Variants in OLA1 observed in about 807,000 individuals in gnomAD.
OLA1 encodes Obg like ATPase 1, also known as obg-like ATPase 1.
In OLA1, 14 loss-of-function variants were observed where a neutral mutation model predicts 48.4. The observed-to-expected ratio is 0.29, with a 90% CI of 0.19 to 0.45. The LOEUF is 0.45. OLA1 is among the 20% of genes least tolerant of loss of function. The pLI, the probability that OLA1 is intolerant of heterozygous loss-of-function variation, is 1.00. For synonymous variants in OLA1, 127 were observed against 150.4 expected (o/e 0.84, Z 1.14); for missense variants, 325 against 467.1 (o/e 0.70, Z 2.80).
intron 4 of OLA1, among the ~76,000 whole-genome samples, chr2:174,162,071 G>A (rs533312726): frequency 2.0e-5 from 3 of 152,246 alleles, no homozygotes; most frequent in Non-Finnish European, 2.9e-5. Context: ...GCAAAAGGGG[G>A]ACAGACGAAG....
chr2:174,083,418 T>C (rs2105340660), intron 7 of OLA1, among the ~76,000 whole-genome samples: 1 of 152,280 alleles, frequency 6.6e-6, no homozygotes, highest in South Asian at 2.1e-4. Flanking sequence ...ATGTTTGTTA[T>C]ACAAAGGTAA....
chr2:174,238,617 G>A (rs1173365833), intron 2 of OLA1, among the ~76,000 whole-genome samples: 1 of 152,008 alleles, frequency 6.6e-6, no homozygotes, highest in Non-Finnish European at 1.5e-5. Context: ...TACACCACCT[G>A]TGCGCACATA....
chr2:174,127,877 A>T (rs942570423), intron 5 of OLA1, among the ~76,000 whole-genome samples: 4 of 152,106 alleles, frequency 2.6e-5, no homozygotes, highest in African/African-American at 9.7e-5. Flanking sequence ...TCCACCTTTT[A>T]TAATGTTTAT....
intron 7 of OLA1, among the ~76,000 whole-genome samples, chr2:174,116,588 G>C (rs1685789244): frequency 6.6e-6 from 1 of 152,112 alleles, no homozygotes; most frequent in Admixed American, 6.5e-5. Context: ...AAAAGATCAG[G>C]TCTTATCTGT....
intron 7 of OLA1, among the ~76,000 whole-genome samples, chr2:174,097,674 G>C (rs1685287868): frequency 6.6e-6 from 1 of 151,146 alleles, no homozygotes; most frequent in Non-Finnish European, 1.5e-5. Flanking sequence ...GCACAGAGCT[G>C]AGATCACGCC....
rs1244370788 is a variant in OLA1, at chr2:174,227,101, AAAAAGAAAGAAAG to A, written c.245+2194_245+2206del. 3.0e-4 allele frequency among the ~76,000 whole-genome samples: 45 copies of A among 151,980 alleles called. 1 individual carries two copies. Among genetic ancestry groups the A allele is most frequent in the Admixed American group, 2.4e-3 (37 of 15,258 alleles). ...ACAGTAAGATTCTGTCTTTAAAAAA[AAAAAGAAAGAAAG>A]AAAAGAAAGGCCAGGCACAGTAGTT... On this transcript the variant is annotated intron_variant, in intron 3 of 10. Coordinates refer to ENST00000284719, the MANE Select transcript of OLA1 (RefSeq NM_013341.5).
intron 4 of OLA1, among the ~76,000 whole-genome samples, chr2:174,188,370 A>AT (rs574373451): frequency 1.3e-3 from 187 of 140,794 alleles, no homozygotes; most frequent in African/African-American, 4.5e-3. Flanking sequence ...TTTCCTCCTA[A>AT]AAATAATAAT....
Position 174,075,385 on chromosome 2 carries a change from C to G in OLA1, c.*41G>C. The G allele has an allele frequency of 8.6e-7, 1 of 1,168,386 alleles. No homozygotes were observed. The highest frequency in any genetic ancestry group is 1.3e-6 in the Non-Finnish European group (1 of 796,108). 72.4% of individuals were successfully genotyped at this position (1,168,386 alleles called of 1,614,324 possible). A position where few individuals can be genotyped will look rare whatever the true frequency, so the allele number is the denominator to read the frequency against. On this transcript the variant is annotated 3_prime_UTR_variant, in exon 11 of 11. Transcript: ENST00000284719. ...ATTTTAATTTTTTAAAAATCAGATGCCTTTTGGAAGTTGTATGTTTATCTG... is the reference window on the plus strand; with the variant it reads ...ATTTTAATTTTTTAAAAATCAGATGGCTTTTGGAAGTTGTATGTTTATCTG...
chr2:174,151,850 A>G (rs1377128919), intron 4 of OLA1, among the ~76,000 whole-genome samples: 1 of 152,144 alleles, frequency 6.6e-6, no homozygotes, highest in African/African-American at 2.4e-5. Flanking sequence ...TTGGGGTGCG[A>G]GTGGGGATGT....
intron 2 of OLA1, among the ~76,000 whole-genome samples, chr2:174,236,957 C>T (rs1161107283): frequency 6.6e-6 from 1 of 152,116 alleles, no homozygotes; most frequent in Non-Finnish European, 1.5e-5. Flanking sequence ...ACTTTATGAA[C>T]ATTGTACATT....
chr2:174,105,255 G>A (rs1010767816), intron 7 of OLA1, among the ~76,000 whole-genome samples: 2 of 151,888 alleles, frequency 1.3e-5, no homozygotes, highest in African/African-American at 4.8e-5. Context: ...TCAATGAGTA[G>A]TTCCTACAAT....
At chr2:174,231,170 T>C (rs1287960941) in intron 2 of OLA1, among the ~76,000 whole-genome samples, 3 of 152,146 alleles carry the variant, frequency 2.0e-5, no homozygotes, top group Non-Finnish European at 2.9e-5. Flanking sequence ...CATTCCTTCT[T>C]CCCCTCTCCA....
chr2:174,204,345 G>A (rs1574549330), intron 4 of OLA1, among the ~76,000 whole-genome samples: 1 of 152,220 alleles, frequency 6.6e-6, no homozygotes, highest in Non-Finnish European at 1.5e-5. Flanking sequence ...AGCTTGCAGT[G>A]AGCCGAGATG....
intron 5 of OLA1, among the ~76,000 whole-genome samples, chr2:174,135,254 T>A (rs1686282817): frequency 6.6e-6 from 1 of 150,906 alleles, no homozygotes; most frequent in African/African-American, 2.4e-5. Context: ...ACGTTTAAAG[T>A]CCTACGTTCA....
intron 7 of OLA1, among the ~76,000 whole-genome samples, chr2:174,088,425 T>C (rs1018088680): frequency 1.3e-5 from 2 of 152,232 alleles, no homozygotes; most frequent in African/African-American, 2.4e-5. Flanking sequence ...AAACCTGTTA[T>C]AGCAGGTTTA....
At chr2:174,161,662 C>G (rs1687015313) in intron 4 of OLA1, among the ~76,000 whole-genome samples, 1 of 125,960 alleles carries the variant, frequency 7.9e-6, no homozygotes, top group African/African-American at 3.0e-5. Context: ...AAGACTTTGT[C>G]TCTTTAAAAA....
intron 2 of OLA1, among the ~76,000 whole-genome samples, chr2:174,245,169 G>A (rs915188940): frequency 1.3e-5 from 2 of 152,100 alleles, no homozygotes; most frequent in Non-Finnish European, 2.9e-5. Context: ...AATGATCATA[G>A]CTTGCTTTCA....
intron 7 of OLA1, among the ~76,000 whole-genome samples, chr2:174,103,045 G>A (rs1339065685): frequency 2.0e-5 from 3 of 152,170 alleles, no homozygotes; most frequent in African/African-American, 7.2e-5. Context: ...GTCAAAATAT[G>A]CTGTTGTTCT....
At chr2:174,144,951 A>ATATATAT (rs1553483449) in intron 4 of OLA1, among the ~76,000 whole-genome samples, 3 of 40,294 alleles carry the variant, frequency 7.4e-5, no homozygotes, top group Non-Finnish European at 1.2e-4. Context: ...AAAAAAAAAA[A>ATATATAT]ATATATATAT....
Sources: gnomAD v4.1 joint callset for allele counts (sites outside exome capture counted in the v4.1 genomes callset) on GRCh38, gnomAD v4.1.1 for gene constraint, MANE v1.5 for transcripts, NCBI Gene and HGNC (gene_info 2026-07-23, HGNC 2026-07-21) for gene names.